LRMDA: variants seen among roughly 807,000 people sequenced by gnomAD.
The protein encoded by LRMDA is leucine rich melanocyte differentiation associated.
Under a neutral mutation model 29.8 loss-of-function variants are expected in LRMDA, and 18 were observed. The ratio of observed to expected loss-of-function variants is 0.60; its 90% CI spans 0.42 to 0.90. The LOEUF is 0.90. Among genes scored for constraint, LRMDA ranks in the 40% least tolerant of loss-of-function variants. The pLI, the probability that LRMDA is intolerant of heterozygous loss-of-function variation, is 0.00. For synonymous variants in LRMDA, 125 were observed against 109.4 expected (o/e 1.14, Z -0.89); for missense variants, 273 against 273.9 (o/e 1.00, Z 0.02).
chr10:76,489,825 C>T (rs1289506111), intron 6 of LRMDA, among the ~76,000 whole-genome samples: 1 of 149,356 alleles, frequency 6.7e-6, no homozygotes, highest in Admixed American at 6.7e-5. Flanking sequence ...ATCTGTTCCC[C>T]AATTATATGT....
At chr10:75,925,827 A>G (rs1235025379) in intron 2 of LRMDA, among the ~76,000 whole-genome samples, 1 of 151,616 alleles carries the variant, frequency 6.6e-6, no homozygotes, top group Admixed American at 6.6e-5. Flanking sequence ...TAGTTTTTGT[A>G]TTTTTTGTAG....
At chr10:75,622,824 A>G (rs1841205022) in intron 2 of LRMDA, among the ~76,000 whole-genome samples, 1 of 152,214 alleles carries the variant, frequency 6.6e-6, no homozygotes, top group South Asian at 2.1e-4. Context: ...TACCAAGTGA[A>G]TAATATTGAT....
chr10:75,563,624 A>G (rs542192844), intron 2 of LRMDA, among the ~76,000 whole-genome samples: 53 of 152,094 alleles, frequency 3.5e-4, no homozygotes, highest in African/African-American at 1.2e-3. Context: ...TAGAGTTTCC[A>G]GTTTTACTGT....
In LRMDA at chr10:76,324,477, G is replaced by A; in HGVS notation, c.593G>A (p.Ser198Asn). 3 of 1,614,094 alleles carry A rather than the reference G, an allele frequency of 1.9e-6. No individual in the cohort carries two copies. Among genetic ancestry groups the A allele is most frequent in the East Asian group, 2.2e-5 (1 of 44,860 alleles). ...CCTTCTGCTTCCAGGGAACTCACCAGTCACCAAGGTTGGAACTCAGCTTTT... is the reference window on the plus strand; with the variant it reads ...CCTTCTGCTTCCAGGGAACTCACCAATCACCAAGGTTGGAACTCAGCTTTT... ...PLPSASRELT[S>N]HQGVLGKCRY... The change falls in exon 6 of 7, where the codon AGT (serine) becomes AAT (asparagine). Residue 198 changes from serine (S) to asparagine (N), a missense_variant. Coordinates refer to ENST00000611255, the MANE Select transcript of LRMDA (RefSeq NM_001305581.2).
chr10:76,324,179 T>G (rs895814028), intron 5 of LRMDA, among the ~76,000 whole-genome samples: 4 of 152,194 alleles, frequency 2.6e-5, no homozygotes, highest in South Asian at 2.1e-4. Context: ...CCCCTTTTCT[T>G]AGAGCTATTC....
At chr10:75,916,683 G>A (rs1301589483) in intron 2 of LRMDA, among the ~76,000 whole-genome samples, 1 of 152,192 alleles carries the variant, frequency 6.6e-6, no homozygotes, top group East Asian at 1.9e-4. Flanking sequence ...AATGGCAACA[G>A]CTTTATGGAA....
chr10:76,261,763 C>T (rs1029093795), intron 5 of LRMDA, among the ~76,000 whole-genome samples: 2 of 152,186 alleles, frequency 1.3e-5, no homozygotes, highest in Non-Finnish European at 2.9e-5. Context: ...TTTTTATATA[C>T]ATACTTACAA....
intron 2 of LRMDA, among the ~76,000 whole-genome samples, chr10:75,904,750 C>A (rs891424354): frequency 6.6e-6 from 1 of 152,174 alleles, no homozygotes; most frequent in African/African-American, 2.4e-5. Context: ...ATTTTCAAAG[C>A]CGTTATTCTA....
intron 2 of LRMDA, among the ~76,000 whole-genome samples, chr10:75,783,451 A>G (rs1843418495): frequency 6.6e-6 from 1 of 150,454 alleles, no homozygotes; most frequent in African/African-American, 2.4e-5. Flanking sequence ...GCATTTAACA[A>G]CCAGTAAATC....
At chr10:76,253,426 C>T (rs1263624506) in intron 5 of LRMDA, among the ~76,000 whole-genome samples, 1 of 151,862 alleles carries the variant, frequency 6.6e-6, no homozygotes, top group Non-Finnish European at 1.5e-5. Context: ...TTTATGGTCT[C>T]ACTGATCTAC....
chr10:75,858,099 C>G (rs1389853061), intron 2 of LRMDA, among the ~76,000 whole-genome samples: 1 of 152,172 alleles, frequency 6.6e-6, no homozygotes, highest in Non-Finnish European at 1.5e-5. Flanking sequence ...GTGATGCTGG[C>G]TTTATGTGAC....
intron 2 of LRMDA, among the ~76,000 whole-genome samples, chr10:75,574,358 A>G (rs1286183021): frequency 6.6e-6 from 1 of 152,180 alleles, no homozygotes; most frequent in Non-Finnish European, 1.5e-5. Flanking sequence ...GTGTTGTGAT[A>G]TAGGTTATAC....
At chr10:76,278,290 C>A (rs1466320878) in intron 5 of LRMDA, among the ~76,000 whole-genome samples, 1 of 152,014 alleles carries the variant, frequency 6.6e-6, no homozygotes, top group African/African-American at 2.4e-5. Context: ...AAAATGTATC[C>A]CTGAAAAGTG....
intron 6 of LRMDA, among the ~76,000 whole-genome samples, chr10:76,463,768 C>T (rs974664692): frequency 6.6e-6 from 1 of 152,096 alleles, no homozygotes; most frequent in Admixed American, 6.6e-5. Flanking sequence ...CTGAAATTAT[C>T]TTGTCTATGA....
chr10:75,849,260 A>G (rs1244071774), intron 2 of LRMDA, among the ~76,000 whole-genome samples: 2 of 151,894 alleles, frequency 1.3e-5, no homozygotes, highest in African/African-American at 4.8e-5. Flanking sequence ...TCTTATGTAG[A>G]TACTTGAAGC....
intron 5 of LRMDA, among the ~76,000 whole-genome samples, chr10:76,304,555 G>C (rs151102750): frequency 1.8e-4 from 28 of 152,286 alleles, no homozygotes; most frequent in African/African-American, 6.5e-4. Context: ...GGGGTATGGG[G>C]TAGAGAGCTC....
At chr10:76,188,952 A>ACG (rs1554853764) in intron 5 of LRMDA, among the ~76,000 whole-genome samples, 96 of 151,496 alleles carry the variant, frequency 6.3e-4, no homozygotes, top group Non-Finnish European at 9.6e-4. Context: ...ACACACACAC[A>ACG]CACACACACA....
chr10:75,716,215 A>G (rs922147004), intron 2 of LRMDA, among the ~76,000 whole-genome samples: 2 of 152,216 alleles, frequency 1.3e-5, no homozygotes, highest in African/African-American at 4.8e-5. Context: ...AGATGAGGAT[A>G]CTAAAGCTTA....
chr10:76,033,479 A>C (rs1454511521), intron 2 of LRMDA, among the ~76,000 whole-genome samples: 1 of 152,040 alleles, frequency 6.6e-6, no homozygotes, highest in Non-Finnish European at 1.5e-5. Context: ...GGCTGGATGG[A>C]GGTGGGCGCT....
Sources: gnomAD v4.1 joint callset for allele counts (sites outside exome capture counted in the v4.1 genomes callset) on GRCh38, gnomAD v4.1.1 for gene constraint, MANE v1.5 for transcripts, NCBI Gene and HGNC (gene_info 2026-07-23, HGNC 2026-07-21) for gene names.